RASA3: variants seen among roughly 807,000 people sequenced by gnomAD.
RASA3 encodes RAS p21 protein activator 3, also known as ras GTPase-activating protein 3.
Under a neutral mutation model 110.0 loss-of-function variants are expected in RASA3, and 73 were observed. The observed-to-expected ratio is 0.66, with a 90% CI of 0.55 to 0.81. RASA3 has a LOEUF of 0.81. RASA3 is among the 30% of genes least tolerant of loss of function. RASA3 has a pLI of 0.00. For synonymous variants in RASA3, 500 were observed against 451.4 expected (o/e 1.11, Z -1.37); for missense variants, 976 against 1,113.2 (o/e 0.88, Z 1.75).
At chr13:114,087,622 G>A (rs1206220113) in intron 1 of RASA3, among the ~76,000 whole-genome samples, 1 of 152,240 alleles carries the variant, frequency 6.6e-6, no homozygotes, top group East Asian at 1.9e-4. Flanking sequence ...CAGCAGGAAC[G>A]AGCCTGCCTC....
chr13:113,991,627 T>C (rs113436993), intron 22 of RASA3, among the ~76,000 whole-genome samples: 1 of 152,210 alleles, frequency 6.6e-6, no homozygotes, highest in African/African-American at 2.4e-5. Flanking sequence ...CTATTTCAAT[T>C]CTGTAAAGCA....
At chr13:114,055,950 G>A (rs1594397131) in intron 2 of RASA3, among the ~76,000 whole-genome samples, 1 of 152,232 alleles carries the variant, frequency 6.6e-6, no homozygotes, top group Non-Finnish European at 1.5e-5. Context: ...CACCGGCACC[G>A]ATAGCCAAGC....
intron 18 of RASA3, among the ~76,000 whole-genome samples, chr13:114,002,545 G>A (rs1221543227): frequency 6.6e-6 from 1 of 152,212 alleles, no homozygotes; most frequent in African/African-American, 2.4e-5. Context: ...GAGGGCAACA[G>A]GGCGCCTCTG....
At chr13:114,069,414 G>A (rs79911122) in intron 2 of RASA3, among the ~76,000 whole-genome samples, 1,504 of 135,698 alleles carry the variant, frequency 0.011, 22 homozygotes, top group African/African-American at 0.041. Flanking sequence ...TGACCTTGGA[G>A]GAAGCACACG....
At chr13:114,104,881 A>C in intron 1 of RASA3, among the ~76,000 whole-genome samples, 1 of 128,190 alleles carries the variant, frequency 7.8e-6, no homozygotes, top group Admixed American at 7.9e-5. Flanking sequence ...CACACACGCT[A>C]CCCACTCCCC....
intron 9 of RASA3, 36 bp downstream of exon 9, chr13:114,021,368 G>A (rs2053923642): frequency 6.3e-7 from 1 of 1,584,552 alleles, no homozygotes; most frequent in Non-Finnish European, 8.7e-7. Context: ...GTGGCTCTCA[G>A]AGATGCGGAA....
chr13:114,082,554 G>A (rs1300959022), intron 1 of RASA3, among the ~76,000 whole-genome samples: 1 of 152,226 alleles, frequency 6.6e-6, no homozygotes, highest in African/African-American at 2.4e-5. Flanking sequence ...GAGGAACAAA[G>A]GGAACTGGGT....
Position 114,029,904 on chromosome 13 carries a change from T to C in RASA3, c.373-17A>G. 1 of 1,547,872 alleles carries C rather than the reference T, an allele frequency of 6.5e-7. No homozygotes were observed. Among genetic ancestry groups the C allele is most frequent in the Non-Finnish European group, 8.7e-7 (1 of 1,148,634 alleles). On this transcript the variant is annotated splice_polypyrimidine_tract_variant and intron_variant, in intron 4 of 23. Transcript: ENST00000334062. ...CACTTTGCCCTGCAAGGCACAAGGA[T>C]GGGGTGTCAGAGGCTGTGGCGCTGC...
intron 1 of RASA3, among the ~76,000 whole-genome samples, chr13:114,109,317 C>T (rs2080183841): frequency 6.6e-6 from 1 of 152,310 alleles, no homozygotes. Flanking sequence ...TTTCAAGGCA[C>T]TGAGGCCTTC....
chr13:114,121,018 C>G (rs1490851984), intron 1 of RASA3, among the ~76,000 whole-genome samples: 5 of 152,228 alleles, frequency 3.3e-5, no homozygotes, highest in Admixed American at 1.3e-4. Flanking sequence ...CTGTAACATG[C>G]AGCCACCTAA....
chr13:114,121,225 C>T (rs571037371), intron 1 of RASA3, among the ~76,000 whole-genome samples: 10 of 152,342 alleles, frequency 6.6e-5, no homozygotes, highest in South Asian at 2.1e-4. Context: ...AGGCCACCCG[C>T]GGGGCATTCG....
At chr13:114,107,497 G>A (rs2080150584) in intron 1 of RASA3, 1 of 152,420 alleles carries the variant, frequency 6.6e-6, no homozygotes, top group African/African-American at 2.4e-5. Context: ...TCTGAGGGCT[G>A]GGCTCTTCCT....
intron 2 of RASA3, among the ~76,000 whole-genome samples, chr13:114,060,995 CCCCCCACAGCCGGCAGACGGAG>C (rs2079334542): frequency 1.4e-5 from 2 of 145,474 alleles, no homozygotes; most frequent in African/African-American, 2.7e-5. Context: ...GCAGACGGAG[CCCCCCACAGCCGGCAGACGGAG>C]CCCCCACAGC....
At chr13:114,010,411 C>A (rs2053605509) in intron 16 of RASA3, among the ~76,000 whole-genome samples, 1 of 152,022 alleles carries the variant, frequency 6.6e-6, no homozygotes, top group Admixed American at 6.6e-5. Context: ...GAGCACTGCC[C>A]CCGGGACGCC....
chr13:114,060,630 C>T (rs1032283725), intron 2 of RASA3, among the ~76,000 whole-genome samples: 3 of 152,214 alleles, frequency 2.0e-5, no homozygotes, highest in Non-Finnish European at 4.4e-5. Flanking sequence ...GGGCCAGGAC[C>T]GGACACGCCC....
At chr13:114,016,720 C>T (rs958265113) in intron 12 of RASA3, among the ~76,000 whole-genome samples, 2 of 152,234 alleles carry the variant, frequency 1.3e-5, no homozygotes, top group Non-Finnish European at 2.9e-5. Context: ...AAAATGCTGC[C>T]ATGATTTTGC....
intron 21 of RASA3, among the ~76,000 whole-genome samples, chr13:113,993,242 C>T (rs572275537): frequency 3.3e-5 from 5 of 152,148 alleles, no homozygotes; most frequent in Non-Finnish European, 7.3e-5. Context: ...GTGGCACGAT[C>T]TCAGCTCACT....
intron 1 of RASA3, among the ~76,000 whole-genome samples, chr13:114,095,737 T>A (rs1171797964): frequency 6.6e-6 from 1 of 152,090 alleles, no homozygotes; most frequent in Non-Finnish European, 1.5e-5. Flanking sequence ...ACCAGGTGGC[T>A]TGGGGCGACT....
chr13:114,041,647 A>G (rs1260460745), intron 3 of RASA3, among the ~76,000 whole-genome samples: 1 of 152,238 alleles, frequency 6.6e-6, no homozygotes, highest in African/African-American at 2.4e-5. Flanking sequence ...CACCCGTGCG[A>G]GCGACAGCCT....
Sources: gnomAD v4.1 joint callset for allele counts (sites outside exome capture counted in the v4.1 genomes callset) on GRCh38, gnomAD v4.1.1 for gene constraint, MANE v1.5 for transcripts, NCBI Gene and HGNC (gene_info 2026-07-23, HGNC 2026-07-21) for gene names.